Variants in SEPTIN3 observed in about 807,000 individuals in gnomAD.
SEPTIN3 encodes the protein septin 3.
In SEPTIN3, 15 loss-of-function variants were observed where a neutral mutation model predicts 45.1. The observed-to-expected ratio is 0.33, with a 90% confidence interval of 0.22 to 0.51. The LOEUF (loss-of-function observed/expected upper bound fraction) is 0.51, where lower values mean the gene tolerates loss of function less well. Ranked by LOEUF, SEPTIN3 falls within the 20% of genes least tolerant of loss-of-function variation. The probability of loss-of-function intolerance (pLI) is 0.97; values close to 1 mark genes in which losing one functional copy is unlikely to be tolerated. For missense variants in SEPTIN3, 289 were observed against 457.2 expected (o/e 0.63, Z 3.35); for synonymous variants, 148 against 164.8 (o/e 0.90, Z 0.78).
rs2078460045 is a variant in SEPTIN3, at chr22:41,997,354, A to G, written c.*387A>G. On this transcript the variant is annotated 3_prime_UTR_variant, in exon 12 of 12. Coordinates refer to ENST00000644076, the MANE Select transcript of SEPTIN3 (RefSeq NM_001363845.2). ...TGCATGAGCTACTCTTGGCTTCCTT[A>G]AAGGGTCAAGAAAGCAATTTTTCTG... The G allele has an allele frequency of 5.1e-6, 1 of 195,196 alleles. No homozygotes were observed. The highest frequency in any genetic ancestry group is 1.0e-5 in the Non-Finnish European group (1 of 95,430). 12.1% of individuals were successfully genotyped at this position (195,196 alleles called of 1,614,324 possible).
intron 7 of SEPTIN3, among the ~76,000 whole-genome samples, chr22:41,990,522 A>C (rs1224731214): frequency 7.3e-6 from 1 of 136,984 alleles, no homozygotes; most frequent in African/African-American, 2.7e-5. Flanking sequence ...GAGGCGGGTG[A>C]ATCACGAAGT....
chr22:41,989,536 C>A, intron 6 of SEPTIN3, 31 bp from the exon 7 acceptor site: 1 of 1,472,544 alleles, frequency 6.8e-7, no homozygotes, highest in South Asian at 1.1e-5. Flanking sequence ...GGCAAGGTGG[C>A]TCTGATGATT....
rs754484333 is a variant in SEPTIN3 at position 41,989,624 on chromosome 22, C to A, written c.2103C>A (p.Ile701=). 19 of 1,613,968 alleles carry A rather than the reference C, an allele frequency of 1.2e-5. No individual in the cohort carries two copies. The highest frequency in any genetic ancestry group is 1.6e-5 in the Non-Finnish European group (19 of 1,179,996). ...MKHLSKVVNI[I]PVIAKADTMT... ...ACCTCAGCAAGGTTGTGAACATCAT[C>A]CCTGTCATTGCTAAGGCTGACACCA... The change falls in exon 7 of 12, where the codon ATC becomes ATA. Residue 701 remains isoleucine (I), a synonymous_variant. Transcript: ENST00000644076.
At chr22:41,989,830 C>T in intron 7 of SEPTIN3, 146 bp downstream of exon 7, 3 of 601,814 alleles carry the variant, frequency 5.0e-6, no homozygotes, top group Non-Finnish European at 8.9e-6. Context: ...CCTTCTTAAC[C>T]ATTCAAGAGG....
intron 2 of SEPTIN3, among the ~76,000 whole-genome samples, chr22:41,974,580 G>A (rs775031342): frequency 3.3e-5 from 5 of 150,970 alleles, no homozygotes; most frequent in Admixed American, 6.6e-5. Context: ...GGAGAATGGC[G>A]TGAACCCAGG....
Position 41,986,062 on chromosome 22 carries a change from AC to A in SEPTIN3, c.1777del (p.Arg593GlyfsTer17). 1.2e-6 allele frequency: 2 copies of A among 1,613,868 alleles called. No homozygotes were observed. Among genetic ancestry groups the A allele is most frequent in the Non-Finnish European group, 1.7e-6 (2 of 1,179,864 alleles). ...SQVSRKASSWNREEKIPKTVE... is the reference protein window; with the variant it reads ...SQVSRKASSWXREEKIPKTVE... Reference sequence around the variant, plus strand: ...GTGAGCCGCAAGGCCTCCAGCTGGAACCGGGAGGAGAAGATCCCCAAGACAG... The same window carrying A: ...GTGAGCCGCAAGGCCTCCAGCTGGAACGGGAGGAGAAGATCCCCAAGACAG... On this transcript the variant is annotated frameshift_variant, in exon 4 of 12. Coordinates refer to ENST00000644076, the MANE Select transcript of SEPTIN3 (RefSeq NM_001363845.2). LOFTEE classifies it high-confidence loss of function.
chr22:41,974,264 T>A (rs1012558600), intron 2 of SEPTIN3, among the ~76,000 whole-genome samples: 1 of 151,974 alleles, frequency 6.6e-6, no homozygotes, highest in African/African-American at 2.4e-5. Flanking sequence ...CCTGGAATAA[T>A]CAGGTGATCA....
intron 8 of SEPTIN3, among the ~76,000 whole-genome samples, 189 bp from the exon 9 acceptor site, chr22:41,992,475 C>T (rs1467424481): frequency 6.6e-6 from 1 of 152,234 alleles, no homozygotes; most frequent in Non-Finnish European, 1.5e-5. Context: ...ACCCAGGACT[C>T]TTCAATCTCA....
Position 41,994,253 on chromosome 22 carries a change from T to C in SEPTIN3, c.2360-37T>C. 6.2e-7 allele frequency: 1 copy of C among 1,608,424 alleles called. No individual in the cohort carries two copies. Among genetic ancestry groups the C allele is most frequent in the African/African-American group, 1.3e-5 (1 of 74,972 alleles). On this transcript the variant is annotated intron_variant, in intron 9 of 11. Coordinates refer to ENST00000644076, the MANE Select transcript of SEPTIN3 (RefSeq NM_001363845.2). This position sits in a 1 kb window ranked among gnomAD's most constrained non-coding sequence, Gnocchi z 4.2. ...CCTGGGTGTTGCTGTATTAATGAACTGACTACCTGTTTTGCTTTGTTTTGT... is the reference window on the plus strand; with the variant it reads ...CCTGGGTGTTGCTGTATTAATGAACCGACTACCTGTTTTGCTTTGTTTTGT...
intron 3 of SEPTIN3, 144 bp downstream of exon 3, chr22:41,981,980 G>T (rs946089456): frequency 5.6e-5 from 43 of 768,202 alleles, no homozygotes; most frequent in South Asian, 1.4e-4. Context: ...GATCACAAAG[G>T]CCTGACCCCT....
At chr22:41,985,906 C>A in intron 3 of SEPTIN3, 78 bp from the exon 4 acceptor site, 1 of 1,488,754 alleles carries the variant, frequency 6.7e-7, no homozygotes, top group Admixed American at 2.1e-5. Context: ...CTCTAGAATT[C>A]TGTAAGCTTA....
Position 41,972,986 on chromosome 22 carries a change from A to T in SEPTIN3, c.1494A>T (p.Thr498=). 1 of 398,982 alleles carries T rather than the reference A, an allele frequency of 2.5e-6. No individual in the cohort carries two copies. Among genetic ancestry groups the T allele is most frequent in the Non-Finnish European group, 4.4e-6 (1 of 226,180 alleles). 24.7% of individuals were successfully genotyped at this position (398,982 alleles called of 1,614,324 possible). A position where few individuals can be genotyped will look rare whatever the true frequency, so the allele number is the denominator to read the frequency against. The change falls in exon 2 of 12, where the codon ACA becomes ACT. Residue 498 remains threonine (T), a synonymous_variant. Coordinates refer to ENST00000644076, the MANE Select transcript of SEPTIN3 (RefSeq NM_001363845.2). The part of the protein sequence containing the change: ...ATEPASLDLA[T]EYKGLPETRT... Reference sequence around the variant, plus strand: ...AGCCTGCCTCACTGGACCTGGCCACAGAATACAAAGGTAAATGCAGAAACT... The same window carrying T: ...AGCCTGCCTCACTGGACCTGGCCACTGAATACAAAGGTAAATGCAGAAACT...
intron 4 of SEPTIN3, 48 bp from the exon 5 acceptor site, chr22:41,987,158 G>T (rs1192909667): frequency 6.7e-7 from 1 of 1,484,552 alleles, no homozygotes. Flanking sequence ...GGTACCTGGG[G>T]TCAGCTGTAG....
At position 41,994,475 on chromosome 22, in the gene SEPTIN3, G is replaced by T; in HGVS notation, c.2411+134G>T. 1 of 1,512,462 alleles carries T rather than the reference G, an allele frequency of 6.6e-7. No individual in the cohort carries two copies. The highest frequency in any genetic ancestry group is 9.1e-7 in the Non-Finnish European group (1 of 1,103,246). 93.7% of individuals were successfully genotyped at this position (1,512,462 alleles called of 1,614,324 possible). ...TTCTGCCCCAGTTCCAGCTCCTGTT[G>T]CAAAATGGAAGGTGCTGTAGAAGAA... is the stretch of plus-strand genomic sequence containing the variant. On this transcript the variant is annotated intron_variant, in intron 10 of 11. Transcript: ENST00000644076. This position sits in a 1 kb window ranked among gnomAD's most constrained non-coding sequence, Gnocchi z 4.2.
chr22:41,980,208 G>T (rs777840882), intron 2 of SEPTIN3, among the ~76,000 whole-genome samples: 1 of 139,694 alleles, frequency 7.2e-6, no homozygotes, highest in Non-Finnish European at 1.5e-5. Flanking sequence ...GCACGATCTC[G>T]GCTCACTGCA....
At chr22:41,977,017 C>T (rs1409068036) in intron 2 of SEPTIN3, 21 of 1,584,818 alleles carry the variant, frequency 1.3e-5, no homozygotes, top group East Asian at 4.8e-5. Context: ...GCCTTGCAGC[C>T]CCGCGCCCGG....
At chr22:41,983,028 A>G (rs1165913136) in intron 3 of SEPTIN3, among the ~76,000 whole-genome samples, 1 of 152,156 alleles carries the variant, frequency 6.6e-6, no homozygotes, top group East Asian at 1.9e-4. Context: ...TCAGTCATCC[A>G]GTCCTGTCCA....
At chr22:41,989,740 G>A in intron 7 of SEPTIN3, 56 bp downstream of exon 7, 1 of 1,179,922 alleles carries the variant, frequency 8.5e-7, no homozygotes, top group Middle Eastern at 2.0e-4. Flanking sequence ...TCTCTCCGCT[G>A]GGTTCAGGCC....
At chr22:41,995,498 T>C in intron 11 of SEPTIN3, 1 of 985,624 alleles carries the variant, frequency 1.0e-6, no homozygotes, top group African/African-American at 1.7e-5. Context: ...CTTTGTCTTC[T>C]TTCTCCCTTT....
Sources: allele counts gnomAD v4.1 joint callset (sites outside exome capture counted in the v4.1 genomes callset), GRCh38; gene constraint gnomAD v4.1.1; non-coding constraint Gnocchi (gnomAD v3.1); transcripts MANE v1.5; gene names NCBI Gene and HGNC (gene_info 2026-07-23, HGNC 2026-07-21).